The following PKHD1 variants were observed in gnomAD, a reference collection of about 807,000 sequenced individuals.
The protein encoded by PKHD1 is fibrocystin.
PKHD1 carries 291 observed loss-of-function variants against 412.0 expected under a neutral mutation model. That is an observed-to-expected ratio of 0.71 (90% CI 0.64 to 0.78). The LOEUF (loss-of-function observed/expected upper bound fraction) is 0.78. PKHD1 is among the 30% of genes least tolerant of loss of function. The probability of loss-of-function intolerance (pLI) is 0.00; values close to 1 mark genes in which losing one functional copy is unlikely to be tolerated. For synonymous variants in PKHD1, 1,777 were observed against 1,821.5 expected (o/e 0.98, Z 0.62); for missense variants, 4,825 against 4,950.7 (o/e 0.97, Z 0.76).
At chr6:51,983,520 C>T (rs939675993) in intron 35 of PKHD1, among the ~76,000 whole-genome samples, 3 of 152,210 alleles carry the variant, frequency 2.0e-5, no homozygotes, top group African/African-American at 7.2e-5. Flanking sequence ...TGTAATAGGC[C>T]TATTTCCCAA....
chr6:51,714,851 A>G (rs1460038555), intron 60 of PKHD1, among the ~76,000 whole-genome samples: 1 of 152,112 alleles, frequency 6.6e-6, no homozygotes. Flanking sequence ...CAGAGGAAAA[A>G]AATCACATTT....
chr6:51,924,222 G>T (rs1785171202), intron 37 of PKHD1, among the ~76,000 whole-genome samples: 1 of 152,054 alleles, frequency 6.6e-6, no homozygotes, highest in South Asian at 2.1e-4. Flanking sequence ...AAAATCACAA[G>T]CTTCTGCCTA....
chr6:51,621,115 C>G (rs1766560894), intron 66 of PKHD1, among the ~76,000 whole-genome samples: 1 of 152,122 alleles, frequency 6.6e-6, no homozygotes, highest in South Asian at 2.1e-4. Flanking sequence ...TCTGGAGTTT[C>G]TCATTTGACC....
Position 51,658,848 on chromosome 6 carries a change from A to G in PKHD1, c.11174+104T>C, listed in dbSNP as rs1453563139. The stretch of plus-strand genomic sequence containing the variant: ...TTTTTATTCTTATCTTAAAAAGCAG[A>G]TGAGTTATATGATTCAGTGTAAGTA... On this transcript the variant is annotated intron_variant, in intron 61 of 66. Coordinates refer to ENST00000371117, the MANE Select transcript of PKHD1 (RefSeq NM_138694.4). The G allele has an allele frequency of 6.4e-6, 5 of 775,334 alleles. No homozygotes were observed. In the East Asian group the frequency reaches 1.2e-4, roughly 19 times the overall value. 48.0% of individuals were successfully genotyped at this position (775,334 alleles called of 1,614,324 possible).
chr6:51,809,719 T>C (rs934772896), intron 52 of PKHD1, among the ~76,000 whole-genome samples: 5 of 152,064 alleles, frequency 3.3e-5, no homozygotes, highest in Admixed American at 6.6e-5. Flanking sequence ...TTTGTTTATA[T>C]CTAGGTATTT....
At chr6:51,692,817 A>G (rs915503863) in intron 60 of PKHD1, among the ~76,000 whole-genome samples, 1 of 152,136 alleles carries the variant, frequency 6.6e-6, no homozygotes, top group Non-Finnish European at 1.5e-5. Flanking sequence ...ATAAATCTCA[A>G]TCCACTGACA....
chr6:51,866,573 C>G (rs1464760792), intron 48 of PKHD1, among the ~76,000 whole-genome samples: 1 of 152,132 alleles, frequency 6.6e-6, no homozygotes, highest in East Asian at 1.9e-4. Flanking sequence ...CTCCAAGAGA[C>G]AGCCTACCAG....
At chr6:51,801,252 T>C (rs1370273880) in intron 52 of PKHD1, among the ~76,000 whole-genome samples, 12 of 152,160 alleles carry the variant, frequency 7.9e-5, no homozygotes. Context: ...TAAAATAGAA[T>C]GGAAACTCTT....
At chr6:51,847,653 C>T in intron 50 of PKHD1, 122 bp downstream of exon 50, 1 of 784,278 alleles carries the variant, frequency 1.3e-6, no homozygotes, top group South Asian at 1.4e-5. Context: ...TTCACTCAAC[C>T]ATAACACACA....
Position 52,010,436 on chromosome 6 carries a change from A to C in PKHD1, c.5624T>G (p.Val1875Gly), listed in dbSNP as rs202016058. ...FISPKLERDEVLIYNSSCNIT... is the reference protein window; with the variant it reads ...FISPKLERDEGLIYNSSCNIT... ...GTTACAGGAGCTATTATAGATGAGA[A>C]CTTCATCTCTTTCCAATTTAGGGCT... The change falls in exon 35 of 67, where the codon GTT becomes GGT. Residue 1875 changes from valine to glycine, a missense_variant. Coordinates refer to ENST00000371117, the MANE Select transcript of PKHD1 (RefSeq NM_138694.4). The C allele has an allele frequency of 6.9e-6, 11 of 1,604,180 alleles. No individual in the cohort carries two copies. Among genetic ancestry groups the C allele is most frequent in the Non-Finnish European group, 8.5e-6 (10 of 1,170,932 alleles).
chr6:51,983,675 T>A (rs1449508297), intron 35 of PKHD1, among the ~76,000 whole-genome samples: 1 of 152,258 alleles, frequency 6.6e-6, no homozygotes, highest in Non-Finnish European at 1.5e-5. Flanking sequence ...GTCATCTTTC[T>A]TCTCATTTTA....
At chr6:51,769,803 A>T (rs1197438164) in intron 55 of PKHD1, among the ~76,000 whole-genome samples, 1 of 151,468 alleles carries the variant, frequency 6.6e-6, no homozygotes, top group Non-Finnish European at 1.5e-5. Flanking sequence ...TAATGTGATG[A>T]CATGTTCTAT....
intron 35 of PKHD1, among the ~76,000 whole-genome samples, chr6:51,992,377 G>T (rs1442492526): frequency 6.6e-6 from 1 of 152,134 alleles, no homozygotes; most frequent in Non-Finnish European, 1.5e-5. Context: ...ATACTTGGTT[G>T]TTTCATTTTA....
intron 60 of PKHD1, among the ~76,000 whole-genome samples, chr6:51,742,748 A>T (rs1784714473): frequency 6.6e-6 from 1 of 152,246 alleles, no homozygotes; most frequent in Admixed American, 6.5e-5. Context: ...AAGGATAAAC[A>T]GTACATTAAC....
At chr6:52,056,510 C>T (rs571512679) in intron 18 of PKHD1, among the ~76,000 whole-genome samples, 188 bp downstream of exon 18, 1 of 152,174 alleles carries the variant, frequency 6.6e-6, no homozygotes, top group Admixed American at 6.5e-5. Context: ...TATTGACACC[C>T]ACCGAGCATC....
chr6:51,949,713 G>A (rs531700869), intron 36 of PKHD1, among the ~76,000 whole-genome samples: 24 of 152,252 alleles, frequency 1.6e-4, no homozygotes, highest in Middle Eastern at 3.4e-3. Flanking sequence ...AGCAGCTCAG[G>A]AAATAGATGC....
chr6:51,893,847 A>G (rs1325885319), intron 43 of PKHD1, among the ~76,000 whole-genome samples: 2 of 152,202 alleles, frequency 1.3e-5, no homozygotes, highest in Admixed American at 1.3e-4. Context: ...TTTAAACAGA[A>G]TTCCTTACAA....
At chr6:51,922,936 A>T (rs1172091545) in intron 37 of PKHD1, among the ~76,000 whole-genome samples, 1 of 151,970 alleles carries the variant, frequency 6.6e-6, no homozygotes, top group Non-Finnish European at 1.5e-5. Context: ...CTCACACTCC[A>T]TGGGCTGCAT....
chr6:52,066,073 T>C lies in PKHD1; in HGVS notation c.783A>G (p.Ile261Met), dbSNP rs1323943449. ...TCCCAGTTTCTGGAAACACAGATAATATTTCTGCAAGAGTTAAAAAAAAAA... is the reference window on the plus strand; with the variant it reads ...TCCCAGTTTCTGGAAACACAGATAACATTTCTGCAAGAGTTAAAAAAAAAA... ...DLFLYQTHSEILSVFPETGSL... is the reference protein window; with the variant it reads ...DLFLYQTHSEMLSVFPETGSL... Residue 261 changes from isoleucine to methionine, a missense_variant, in exon 12 of 67, where the codon ATA (isoleucine) becomes ATG (methionine). Coordinates refer to ENST00000371117, the MANE Select transcript of PKHD1 (RefSeq NM_138694.4). 8.7e-6 allele frequency: 13 copies of C among 1,498,988 alleles called. No homozygotes were observed. The highest frequency in any genetic ancestry group is 1.2e-5 in the Non-Finnish European group (13 of 1,088,646). The allele number at this position is 1,498,988 out of a possible 1,614,324, so 92.9% of individuals were successfully genotyped here. A position where few individuals can be genotyped will look rare whatever the true frequency, so the allele number is the denominator to read the frequency against.
Sources: allele counts gnomAD v4.1 joint callset (sites outside exome capture counted in the v4.1 genomes callset), GRCh38; gene constraint gnomAD v4.1.1; transcripts MANE v1.5; gene names NCBI Gene and HGNC (gene_info 2026-07-23, HGNC 2026-07-21).